DOT1L: variants seen among roughly 807,000 people sequenced by gnomAD.
The protein encoded by DOT1L is histone-lysine N-methyltransferase, H3 lysine-79 specific.
In DOT1L, 33 loss-of-function variants were observed where a neutral mutation model predicts 153.3. The ratio of observed to expected loss-of-function variants is 0.22; its 90% CI spans 0.16 to 0.29. The LOEUF (loss-of-function observed/expected upper bound fraction) is 0.29. Among genes scored for constraint, DOT1L ranks in the 10% least tolerant of loss-of-function variants. The probability of loss-of-function intolerance (pLI) is 1.00; values close to 1 mark genes in which losing one functional copy is unlikely to be tolerated. For synonymous variants in DOT1L, 1,135 were observed against 965.1 expected (o/e 1.18, Z -3.26); for missense variants, 1,847 against 2,119.9 (o/e 0.87, Z 2.53).
Position 2,208,477 on chromosome 19 carries a change from C to CGA in DOT1L, c.964-454_964-453dup, listed in dbSNP as rs574847722. On this transcript the variant is annotated intron_variant, in intron 11 of 27. Coordinates refer to ENST00000398665, the MANE Select transcript of DOT1L (RefSeq NM_032482.3). This position sits in a 1 kb window ranked among gnomAD's most constrained non-coding sequence, Gnocchi z 4.4. Reference sequence around the variant, plus strand: ...CACTGCTCCCCCGAGGGCCCTGGGACGAGAGGCATGGTGAGCTGAGGCTGA... The same window carrying CGA: ...CACTGCTCCCCCGAGGGCCCTGGGACGAGAGAGGCATGGTGAGCTGAGGCTGA... 4.6e-5 allele frequency among the ~76,000 whole-genome samples: 7 copies of CGA among 152,170 alleles called. No homozygotes were observed. Among genetic ancestry groups the CGA allele is most frequent in the Non-Finnish European group, 1.0e-4 (7 of 68,014 alleles).
rs547658469 is a variant in DOT1L, at chr19:2,228,361, C to G, written c.4606+1234C>G. 6.1e-6 allele frequency: 8 copies of G among 1,312,120 alleles called. No homozygotes were observed. In the East Asian group the frequency reaches 2.8e-4, roughly 46 times the overall value. 81.3% of individuals were successfully genotyped at this position (1,312,120 alleles called of 1,614,324 possible). On this transcript the variant is annotated intron_variant, in intron 27 of 27. Transcript: ENST00000398665. ...AAGCCGCGATAAAGACCTTGCTTAG[C>G]TAGCAGTGCGTATTGTGTAAGGTAA...
chr19:2,186,242 C>T (rs1167452967), intron 3 of DOT1L, among the ~76,000 whole-genome samples: 1 of 152,266 alleles, frequency 6.6e-6, no homozygotes, highest in Non-Finnish European at 1.5e-5. Flanking sequence ...GTCCGCGTTC[C>T]TGCCTGAGGC....
At chr19:2,221,302 CCGGG>C (rs1222931220) in intron 23 of DOT1L, 8 of 152,896 alleles carry the variant, frequency 5.2e-5, no homozygotes, top group African/African-American at 1.9e-4. Flanking sequence ...CCACCGAAGC[CCGGG>C]CAGTTCTGCC....
intron 1 of DOT1L, among the ~76,000 whole-genome samples, chr19:2,173,515 C>T (rs1341272177): frequency 6.6e-6 from 1 of 152,198 alleles, no homozygotes; most frequent in African/African-American, 2.4e-5. Context: ...GCAGAGGGTG[C>T]CTGCTCTTCC....
At position 2,217,822 on chromosome 19, in the gene DOT1L, G is replaced by T. The variant is rs1203031310; in HGVS notation, c.2595G>T (p.Leu865=). 1 of 1,609,028 alleles carries T rather than the reference G, an allele frequency of 6.2e-7. No homozygotes were observed. The highest frequency in any genetic ancestry group is 8.5e-7 in the Non-Finnish European group (1 of 1,178,394). ...YGSSGELITS[L]PISIPLSTVQ... ...GCAGCGGGGAGCTCATCACCAGCCT[G>T]CCCATCAGCATCCCGCTCAGCACCG... is the stretch of plus-strand genomic sequence containing the variant. Residue 865 remains leucine, a synonymous_variant, in exon 22 of 28, where the codon CTG becomes CTT. Coordinates refer to ENST00000398665, the MANE Select transcript of DOT1L (RefSeq NM_032482.3). The surrounding 1 kb of genome is among the most constrained non-coding windows in gnomAD (Gnocchi z 7.3).
intron 2 of DOT1L, among the ~76,000 whole-genome samples, chr19:2,183,650 G>A (rs1035961042): frequency 6.0e-5 from 9 of 151,126 alleles, no homozygotes; most frequent in South Asian, 2.1e-4. Flanking sequence ...TTTTTAAGGC[G>A]GAGTCTCACT....
In DOT1L at chr19:2,207,346, G is replaced by T. The variant is rs1052710396; in HGVS notation, c.857-228G>T. Among the ~76,000 whole-genome samples, 4 of 152,212 alleles carry T rather than the reference G, an allele frequency of 2.6e-5. No individual in the cohort carries two copies. Among genetic ancestry groups the T allele is most frequent in the Non-Finnish European group, 4.4e-5 (3 of 68,030 alleles). ...CCTCCTTTTCCATTCCACTCAGCTGGGTTTGTGGCTGTTTTTCTGAGGTTG... is the reference window on the plus strand; with the variant it reads ...CCTCCTTTTCCATTCCACTCAGCTGTGTTTGTGGCTGTTTTTCTGAGGTTG... On this transcript the variant is annotated intron_variant, in intron 10 of 27. Transcript: ENST00000398665. This position sits in a 1 kb window ranked among gnomAD's most constrained non-coding sequence, Gnocchi z 4.5.
chr19:2,175,876 A>G (rs2021905836), intron 1 of DOT1L, among the ~76,000 whole-genome samples: 1 of 152,130 alleles, frequency 6.6e-6, no homozygotes, highest in Admixed American at 6.5e-5. Context: ...CCGTCTCAAA[A>G]AAAGAAAGGA....
intron 3 of DOT1L, among the ~76,000 whole-genome samples, chr19:2,188,480 G>A (rs1013319679): frequency 2.1e-4 from 14 of 66,982 alleles, no homozygotes; most frequent in African/African-American, 8.6e-4. Flanking sequence ...CCCAGCCGCC[G>A]CCCCCCCCCC....
In DOT1L at chr19:2,216,627, G is replaced by A. The variant is rs201662319; in HGVS notation, c.2270G>A (p.Arg757Gln). 44 of 1,605,818 alleles carry A rather than the reference G, an allele frequency of 2.7e-5. No individual in the cohort carries two copies. Among genetic ancestry groups the A allele is most frequent in the Middle Eastern group, 1.7e-4 (1 of 6,022 alleles). The change falls in exon 20 of 28, where the codon CGG becomes CAG. Residue 757 changes from arginine (R) to glutamine (Q), a missense_variant. Arg to Gln is a conservative substitution (Grantham distance 43). Around this residue, in one of 8 missense-constraint regions of DOT1L, gnomAD observed 281 missense variants for 263.6 expected, o/e 1.07. Coordinates refer to ENST00000398665, the MANE Select transcript of DOT1L (RefSeq NM_032482.3). ...VVPCTPSHVG[R>Q]PRLEKLSGLA... ...CCCTGTACCCCTAGCCACGTCGGCC[G>A]GCCGCGCCTGGAGAAGCTGTCTGGC...
At chr19:2,203,754 C>T (rs2023384711) in intron 9 of DOT1L, among the ~76,000 whole-genome samples, 1 of 152,256 alleles carries the variant, frequency 6.6e-6, no homozygotes, top group African/African-American at 2.4e-5. Context: ...CAGCCCCTGC[C>T]AGCCCTCCAG....
rs1468272684 is a variant in DOT1L, at chr19:2,190,220, G to A, written c.264+425G>A. On this transcript the variant is annotated intron_variant, in intron 4 of 27. Coordinates refer to ENST00000398665, the MANE Select transcript of DOT1L (RefSeq NM_032482.3). The surrounding 1 kb of genome is among the most constrained non-coding windows in gnomAD (Gnocchi z 4.8). ...CCTGGGCTGCACCCTTGGGCACCCC[G>A]GTCCTGCTGTGTCTCGTGAGGCTTT... is the stretch of plus-strand genomic sequence containing the variant. Among the ~76,000 whole-genome samples the A allele has an allele frequency of 1.3e-5, 2 of 152,166 alleles. No homozygotes were observed. Among genetic ancestry groups the A allele is most frequent in the Admixed American group, 6.5e-5 (1 of 15,280 alleles).
At chr19:2,223,040 G>T (rs1224447415) in intron 24 of DOT1L, among the ~76,000 whole-genome samples, 1 of 152,008 alleles carries the variant, frequency 6.6e-6, no homozygotes, top group Non-Finnish European at 1.5e-5. Context: ...TTCATTCTCG[G>T]CTGTGGGGCC....
rs887916151 is a variant in DOT1L, at chr19:2,191,575, C to T, written c.493+335C>T. On this transcript the variant is annotated intron_variant, in intron 5 of 27. Coordinates refer to ENST00000398665, the MANE Select transcript of DOT1L (RefSeq NM_032482.3). The surrounding 1 kb of genome is among the most constrained non-coding windows in gnomAD (Gnocchi z 6.8). The stretch of plus-strand genomic sequence containing the variant: ...CTGCTCGCTCCCAGAAGCTGCCACT[C>T]GCTAGCCTGGGCCCCAGCCCGGGCC... Among the ~76,000 whole-genome samples the T allele has an allele frequency of 2.0e-5, 3 of 152,150 alleles. No individual in the cohort carries two copies. The highest frequency in any genetic ancestry group is 4.8e-5 in the African/African-American group (2 of 41,438).
intron 1 of DOT1L, among the ~76,000 whole-genome samples, chr19:2,177,915 C>A (rs2022027326): frequency 7.0e-6 from 1 of 142,870 alleles, no homozygotes; most frequent in African/African-American, 2.6e-5. Flanking sequence ...TGTGTGCCAC[C>A]ACACCTAGCA....
intron 8 of DOT1L, among the ~76,000 whole-genome samples, chr19:2,200,579 G>C (rs115346548): frequency 6.6e-6 from 1 of 152,122 alleles, no homozygotes; most frequent in Admixed American, 6.5e-5. Context: ...GGCCCAAGGC[G>C]CTTGTGAGGG....
At chr19:2,201,669 G>A (rs985954932) in intron 8 of DOT1L, among the ~76,000 whole-genome samples, 1 of 152,234 alleles carries the variant, frequency 6.6e-6, no homozygotes, top group African/African-American at 2.4e-5. Flanking sequence ...TGGTGGGAGC[G>A]CAGGGGGACC....
chr19:2,181,628 T>C (rs2022236546), intron 2 of DOT1L, among the ~76,000 whole-genome samples: 1 of 152,338 alleles, frequency 6.6e-6, no homozygotes, highest in South Asian at 2.1e-4. Flanking sequence ...GGATCTGCTT[T>C]TTTTTAATGT....
rs969751668 is a variant in DOT1L at position 2,204,497 on chromosome 19, G to T, written c.787+1718G>T. Reference sequence around the variant, plus strand: ...GCACCCTGCAGCTGCATGCAGGAAGGCAGCAGTGGCTTCAGGCAGCTCCTG... The same window carrying T: ...GCACCCTGCAGCTGCATGCAGGAAGTCAGCAGTGGCTTCAGGCAGCTCCTG... On this transcript the variant is annotated intron_variant, in intron 9 of 27. Coordinates refer to ENST00000398665, the MANE Select transcript of DOT1L (RefSeq NM_032482.3). The surrounding 1 kb of genome is among the most constrained non-coding windows in gnomAD (Gnocchi z 5.7). Among the ~76,000 whole-genome samples the T allele has an allele frequency of 2.6e-5, 4 of 152,172 alleles. No homozygotes were observed. The highest frequency in any genetic ancestry group is 2.6e-4 in the Admixed American group (4 of 15,262).
Sources: allele counts gnomAD v4.1 joint callset (sites outside exome capture counted in the v4.1 genomes callset), GRCh38; gene constraint gnomAD v4.1.1; regional missense constraint gnomAD v4.1.1; non-coding constraint Gnocchi (gnomAD v3.1); transcripts MANE v1.5; gene names NCBI Gene and HGNC (gene_info 2026-07-23, HGNC 2026-07-21).